The following NAA60 variants were observed in gnomAD, a reference collection of about 807,000 sequenced individuals.
NAA60 encodes N-alpha-acetyltransferase 60.
A neutral mutation model predicts 26.1 loss-of-function variants in NAA60; 8 were observed. The observed-to-expected ratio is 0.31, with a 90% CI of 0.18 to 0.55. The LOEUF (loss-of-function observed/expected upper bound fraction) is 0.55, where lower values mean the gene tolerates loss of function less well. NAA60 is among the 20% of genes least tolerant of loss of function. The pLI, the probability that NAA60 is intolerant of heterozygous loss-of-function variation, is 0.93. For synonymous variants in NAA60, 131 were observed against 122.5 expected (o/e 1.07, Z -0.46); for missense variants, 290 against 311.3 (o/e 0.93, Z 0.51).
chr16:3,472,459 C>G (rs2036215041), intron 2 of NAA60: 1 of 152,224 alleles, frequency 6.6e-6, no homozygotes, highest in Admixed American at 6.5e-5. Context: ...CTCTATCGCC[C>G]ACGCTGGAGT....
intron 3 of NAA60, among the ~76,000 whole-genome samples, chr16:3,478,731 C>T (rs2036638591): frequency 6.6e-6 from 1 of 152,142 alleles, no homozygotes; most frequent in African/African-American, 2.4e-5. Flanking sequence ...TAAACTCAAA[C>T]GCCTGTCAGC....
intron 2 of NAA60, among the ~76,000 whole-genome samples, chr16:3,474,105 C>T (rs1357673610): frequency 7.1e-6 from 1 of 141,842 alleles, no homozygotes; most frequent in Non-Finnish European, 1.5e-5. Flanking sequence ...GGCACAAGGG[C>T]GGGGTGGGGG....
At chr16:3,445,685 TA>T (rs2034524176) in intron 1 of NAA60, among the ~76,000 whole-genome samples, 1 of 152,170 alleles carries the variant, frequency 6.6e-6, no homozygotes. Context: ...CTCTCTTCTT[TA>T]AATCCTGTTG....
chr16:3,445,630 A>T (rs370663815), intron 1 of NAA60, among the ~76,000 whole-genome samples: 3 of 152,010 alleles, frequency 2.0e-5, no homozygotes, highest in African/African-American at 7.2e-5. Flanking sequence ...GATTCTCCTT[A>T]TCTGGATTTG....
At position 3,448,481 on chromosome 16, in the gene NAA60, G is replaced by C. The variant is rs1416748738; in HGVS notation, c.-66G>C. On this transcript the variant is annotated 5_prime_UTR_variant, in exon 2 of 8. Transcript: ENST00000407558. Reference sequence around the variant, plus strand: ...CTTTCTCCCCTGCAGCATACAGAAAGGCTGTACCTGGAGGAAGGAAGTGCG... The same window carrying C: ...CTTTCTCCCCTGCAGCATACAGAAACGCTGTACCTGGAGGAAGGAAGTGCG... 34 of 1,535,460 alleles carry C rather than the reference G, an allele frequency of 2.2e-5. No homozygotes were observed. The highest frequency in any genetic ancestry group is 3.0e-5 in the Non-Finnish European group (34 of 1,146,888).
intron 2 of NAA60, among the ~76,000 whole-genome samples, chr16:3,469,993 C>T (rs1304530482): frequency 6.6e-6 from 1 of 152,242 alleles, no homozygotes; most frequent in Non-Finnish European, 1.5e-5. Flanking sequence ...GTGCGCCGGG[C>T]CTGCTGGGGC....
chr16:3,484,231 A>G (rs1025874022), intron 6 of NAA60, among the ~76,000 whole-genome samples: 2 of 152,196 alleles, frequency 1.3e-5, no homozygotes, highest in Non-Finnish European at 2.9e-5. Context: ...ACATAGAATA[A>G]TAAGCAGGAA....
At chr16:3,447,550 A>G in intron 1 of NAA60, 1 of 985,402 alleles carries the variant, frequency 1.0e-6, no homozygotes, top group African/African-American at 1.7e-5. Context: ...CCTTTACCGT[A>G]TCCTTCATGG....
intron 2 of NAA60, chr16:3,456,665 G>A (rs2035010643): frequency 6.6e-6 from 1 of 152,192 alleles, no homozygotes; most frequent in African/African-American, 2.4e-5. Flanking sequence ...TAGCTTGACA[G>A]TGATCTGCCT....
chr16:3,468,803 C>G (rs879894611), intron 2 of NAA60, among the ~76,000 whole-genome samples: 2 of 152,174 alleles, frequency 1.3e-5, no homozygotes, highest in East Asian at 3.9e-4. Context: ...TGGCCGGGCT[C>G]GGTAGCTCAT....
intron 2 of NAA60, among the ~76,000 whole-genome samples, chr16:3,453,987 G>C (rs1206655283): frequency 6.6e-6 from 1 of 152,148 alleles, no homozygotes; most frequent in Middle Eastern, 3.2e-3. Flanking sequence ...ACCTGGGGTT[G>C]GATACTGGAC....
rs1319038787 is a variant in NAA60, at chr16:3,486,343, TA to T, written c.*1084del. ...GTGGGGGGCGGAGTCCCGCCCAGCA[TA>T]GCTGCAGTGTCACAAAGCCATGGCA... is the stretch of plus-strand genomic sequence containing the variant. On this transcript the variant is annotated 3_prime_UTR_variant, in exon 8 of 8. Coordinates refer to ENST00000407558, the MANE Select transcript of NAA60 (RefSeq NM_001083601.3). The T allele has an allele frequency of 6.5e-6, 1 of 154,612 alleles. No individual in the cohort carries two copies. Among genetic ancestry groups the T allele is most frequent in the African/African-American group, 2.4e-5 (1 of 41,466 alleles). The allele number at this position is 154,612 out of a possible 1,614,324, so 9.6% of individuals were successfully genotyped here.
intron 2 of NAA60, among the ~76,000 whole-genome samples, chr16:3,467,230 G>A (rs1233607955): frequency 3.9e-5 from 6 of 152,080 alleles, no homozygotes; most frequent in African/African-American, 1.2e-4. Context: ...AGCGTGTGGC[G>A]GGAGATCCGT....
chr16:3,467,636 C>T (rs1251244628), intron 2 of NAA60: 1 of 152,106 alleles, frequency 6.6e-6, no homozygotes, highest in East Asian at 1.9e-4. Flanking sequence ...GTCAGGAAAC[C>T]CTTCTGGTAA....
chr16:3,458,248 C>A, intron 2 of NAA60: 1 of 290,386 alleles, frequency 3.4e-6, no homozygotes, highest in Non-Finnish European at 5.0e-6. Context: ...GCGGGGTAGG[C>A]GGGGAGGCCG....
intron 3 of NAA60, among the ~76,000 whole-genome samples, chr16:3,479,002 A>G (rs1225343329): frequency 6.6e-6 from 1 of 152,078 alleles, no homozygotes; most frequent in Admixed American, 6.6e-5. Context: ...TTGGGAGGCC[A>G]AGACGGGCAG....
At position 3,482,610 on chromosome 16, in the gene NAA60, C is replaced by A. The variant is rs186565474; in HGVS notation, c.337+12C>A. ...GAAGCACGGCATAGGTAAGGGCAGC[C>A]GGGCCCGCGGCTTGGCGCCCACCCC... On this transcript the variant is annotated intron_variant, in intron 5 of 7. Transcript: ENST00000407558. The A allele has an allele frequency of 6.3e-7, 1 of 1,580,652 alleles. No homozygotes were observed. Among genetic ancestry groups the A allele is most frequent in the Non-Finnish European group, 8.6e-7 (1 of 1,163,126 alleles).
At chr16:3,465,136 G>A (rs1206880064) in intron 2 of NAA60, among the ~76,000 whole-genome samples, 3 of 152,002 alleles carry the variant, frequency 2.0e-5, no homozygotes, top group Admixed American at 6.6e-5. Context: ...ATGTGGTGGC[G>A]GGCGCCTGTA....
chr16:3,459,633 C>G (rs1045574932), intron 2 of NAA60, among the ~76,000 whole-genome samples: 6 of 152,184 alleles, frequency 3.9e-5, no homozygotes, highest in African/African-American at 1.4e-4. Flanking sequence ...CTGTGGTTTG[C>G]TGGAGTTTCA....
Sources: gnomAD v4.1 joint callset for allele counts (sites outside exome capture counted in the v4.1 genomes callset) on GRCh38, gnomAD v4.1.1 for gene constraint, MANE v1.5 for transcripts, NCBI Gene and HGNC (gene_info 2026-07-23, HGNC 2026-07-21) for gene names.